Variants in DNAH17 observed in about 807,000 individuals in gnomAD.
DNAH17 encodes the protein dynein axonemal heavy chain 17.
DNAH17 carries 376 observed loss-of-function variants against 485.6 expected under a neutral mutation model. That is an observed-to-expected ratio of 0.77 (90% confidence interval 0.71 to 0.84). The LOEUF is 0.84. DNAH17 is among the 40% of genes least tolerant of loss of function. DNAH17 has a pLI of 0.00. For synonymous variants in DNAH17, 3,031 were observed against 2,405.9 expected (o/e 1.26, Z -7.60); for missense variants, 6,370 against 5,839.3 (o/e 1.09, Z -2.96).
At chr17:78,553,283 G>GTGTTTTTTTTTTT (rs2091945217) in intron 14 of DNAH17, among the ~76,000 whole-genome samples, 1 of 51,018 alleles carries the variant, frequency 2.0e-5, no homozygotes, top group African/African-American at 9.0e-5. Context: ...AGGTTTTTGT[G>GTGTTTTTTTTTTT]TTTTTTTTTT....
chr17:78,521,217 C>A lies in DNAH17; in HGVS notation c.3864+3792G>T, dbSNP rs147813940. On this transcript the variant is annotated intron_variant, in intron 25 of 80. Transcript: ENST00000389840. ...GGTCATGAGTTCAAGACCAGCCTGG[C>A]CAACATGGCGAAACCCCATCTCTAC... Among the ~76,000 whole-genome samples the A allele has an allele frequency of 9.7e-3, 1,470 of 152,096 alleles. 28 individuals are homozygous for A. The highest frequency in any genetic ancestry group is 0.034 in the African/African-American group (1,396 of 41,492).
At chr17:78,543,163 G>A (rs1033074645) in intron 17 of DNAH17, among the ~76,000 whole-genome samples, 4 of 152,358 alleles carry the variant, frequency 2.6e-5, no homozygotes, top group African/African-American at 9.6e-5. Flanking sequence ...CACCCAGGCT[G>A]GGGTGCAGTG....
At position 78,476,628 on chromosome 17, in the gene DNAH17, T is replaced by C; in HGVS notation, c.8098A>G (p.Lys2700Glu). The C allele has an allele frequency of 1.2e-6, 2 of 1,612,134 alleles. No individual in the cohort carries two copies. The highest frequency in any genetic ancestry group is 8.5e-7 in the Non-Finnish European group (1 of 1,179,118). The change falls in exon 52 of 81, where the codon AAA becomes GAA. Residue 2700 changes from lysine to glutamate, a missense_variant. Lys to Glu is a moderately conservative substitution (Grantham distance 56, BLOSUM62 1). Coordinates refer to ENST00000389840, the MANE Select transcript of DNAH17 (RefSeq NM_173628.4). ...RVYGDKMVDE[K>E]DQETLHRVTM... is the part of the protein sequence containing the mutation. ...ACTCTATGCAATGTTTCCTGGTCTTTTTCGTCAACCATTTTGTCACCATAC... is the reference window on the plus strand; with the variant it reads ...ACTCTATGCAATGTTTCCTGGTCTTCTTCGTCAACCATTTTGTCACCATAC...
chr17:78,514,770 G>A lies in DNAH17; in HGVS notation c.4113+4C>T, dbSNP rs1448999740. The A allele has an allele frequency of 1.9e-6, 3 of 1,613,446 alleles. No individual in the cohort carries two copies. The highest frequency in any genetic ancestry group is 2.5e-6 in the Non-Finnish European group (3 of 1,179,746). On this transcript the variant is annotated splice_donor_region_variant and intron_variant, in intron 26 of 80. Transcript: ENST00000389840. ...TCCCCTCCGCCCACCATGGTGCATGGTACCTGGGTGGCCTGCATGAGCTGC... is the reference window on the plus strand; with the variant it reads ...TCCCCTCCGCCCACCATGGTGCATGATACCTGGGTGGCCTGCATGAGCTGC...
intron 11 of DNAH17, 62 bp downstream of exon 11, chr17:78,566,552 A>G (rs1311061380): frequency 5.9e-5 from 73 of 1,227,086 alleles, no homozygotes; most frequent in Middle Eastern, 1.9e-4. Flanking sequence ...ATCGTTCTCG[A>G]CATGAATCCA....
chr17:78,439,144 C>T lies in DNAH17; in HGVS notation c.11751G>A (p.Val3917=), dbSNP rs753730934. Residue 3917 remains valine (V), a synonymous_variant, in exon 73 of 81, where the codon GTG becomes GTA. Coordinates refer to ENST00000389840, the MANE Select transcript of DNAH17 (RefSeq NM_173628.4). ...NVSLGQGQEV[V]AENALDVAAE... The stretch of plus-strand genomic sequence containing the variant: ...CAGCCACGTCCAGGGCGTTCTCAGC[C>T]ACCACCTCTTGTCCCTGCCCCAGGG... 2 of 1,613,590 alleles carry T rather than the reference C, an allele frequency of 1.2e-6. No individual in the cohort carries two copies. The highest frequency in any genetic ancestry group is 1.7e-6 in the Non-Finnish European group (2 of 1,179,856).
At position 78,453,197 on chromosome 17, in the gene DNAH17, T is replaced by C. The variant is rs904235025; in HGVS notation, c.10529+146A>G. On this transcript the variant is annotated intron_variant, in intron 65 of 80. Coordinates refer to ENST00000389840, the MANE Select transcript of DNAH17 (RefSeq NM_173628.4). ...CTTTCCTCAGGAGCTGGGGGTTCCT[T>C]CCCACCAGCAGGCACTTTGTCAAAG... 29 of 1,080,832 alleles carry C rather than the reference T, an allele frequency of 2.7e-5. No individual in the cohort carries two copies. The East Asian group carries it at 7.3e-4, about 27-fold the overall frequency. 67.0% of individuals were successfully genotyped at this position (1,080,832 alleles called of 1,614,324 possible).
Position 78,495,914 on chromosome 17 carries a change from C to A in DNAH17, c.5864G>T (p.Gly1955Val). Residue 1955 changes from glycine (G) to valine (V), a missense_variant, in exon 38 of 81, where the codon GGA becomes GTA. Transcript: ENST00000389840. The stretch of plus-strand genomic sequence containing the variant: ...TAGGTTCTCAGGCAGCTCCGCGCGT[C>A]CGGCGTACCCAGGGTTCATGGTGAT... ...IFITMNPGYA[G>V]RAELPENLKA... 6.2e-7 allele frequency: 1 copy of A among 1,613,904 alleles called. No homozygotes were observed. The highest frequency in any genetic ancestry group is 8.5e-7 in the Non-Finnish European group (1 of 1,179,828).
At chr17:78,496,493 G>C (rs956027872) in intron 37 of DNAH17, among the ~76,000 whole-genome samples, 8 of 151,788 alleles carry the variant, frequency 5.3e-5, no homozygotes, top group African/African-American at 1.9e-4. Context: ...GCGACACTGA[G>C]GCCAGCATTG....
At chr17:78,532,188 C>A (rs555658295) in intron 20 of DNAH17, among the ~76,000 whole-genome samples, 1 of 152,320 alleles carries the variant, frequency 6.6e-6, no homozygotes, top group East Asian at 1.9e-4. Flanking sequence ...CCATTCCTTC[C>A]CTGGAAGCCA....
intron 69 of DNAH17, among the ~76,000 whole-genome samples, chr17:78,446,418 G>C (rs952075881): frequency 1.3e-5 from 2 of 151,920 alleles, no homozygotes. Flanking sequence ...GGAAGCACAC[G>C]ACATGCCCCG....
At chr17:78,425,959 C>T (rs914190570) in intron 79 of DNAH17, among the ~76,000 whole-genome samples, 27 of 152,112 alleles carry the variant, frequency 1.8e-4, no homozygotes, top group Non-Finnish European at 3.8e-4. Flanking sequence ...GATGGGGTTT[C>T]GCCATGTTGG....
rs4969148 is a variant in DNAH17, at chr17:78,571,801, G to C, written c.540-19C>G. The C allele has an allele frequency of 0.35, 542,590 of 1,554,768 alleles. 97,874 individuals carry two copies. The highest frequency in any genetic ancestry group is 0.51 in the Admixed American group (27,104 of 53,398). The stretch of plus-strand genomic sequence containing the variant: ...GGGGATCCTGCCCAGTGGAAGGTTG[G>C]GGCATTGCTCTCATGGCGACACACA... On this transcript the variant is annotated intron_variant, in intron 3 of 80. Coordinates refer to ENST00000389840, the MANE Select transcript of DNAH17 (RefSeq NM_173628.4).
intron 55 of DNAH17, among the ~76,000 whole-genome samples, chr17:78,467,851 C>T (rs577278266): frequency 2.0e-5 from 3 of 152,070 alleles, no homozygotes; most frequent in African/African-American, 7.2e-5. Flanking sequence ...AATGCTGTCT[C>T]TACTAAAAAT....
intron 24 of DNAH17, among the ~76,000 whole-genome samples, chr17:78,525,790 G>T (rs142687279): frequency 2.8e-4 from 42 of 152,358 alleles, no homozygotes; most frequent in African/African-American, 9.6e-4. Flanking sequence ...AATCCAGCCC[G>T]GGGCCCTAGG....
Position 78,506,953 on chromosome 17 carries a change from C to A in DNAH17, c.4677-107G>T, listed in dbSNP as rs1410113199. ...ACTGATCATCCTGGAGATGCCTGGA[C>A]TGCTGTTCACAGGCCTGGTTTAATT... On this transcript the variant is annotated intron_variant, in intron 29 of 80. Transcript: ENST00000389840. 22 of 1,459,556 alleles carry A rather than the reference C, an allele frequency of 1.5e-5. No homozygotes were observed. In the South Asian group the frequency reaches 1.9e-4, roughly 12 times the overall value. The allele number at this position is 1,459,556 out of a possible 1,614,324, so 90.4% of individuals were successfully genotyped here. A position where few individuals can be genotyped will look rare whatever the true frequency, so the allele number is the denominator to read the frequency against.
At chr17:78,474,967 T>C (rs78171917) in intron 54 of DNAH17, among the ~76,000 whole-genome samples, 2 of 128,432 alleles carry the variant, frequency 1.6e-5, no homozygotes, top group Non-Finnish European at 3.1e-5. Context: ...CTCAGTCACA[T>C]GGGCTGGAAG....
intron 16 of DNAH17, among the ~76,000 whole-genome samples, chr17:78,549,497 C>T (rs2091851499): frequency 6.6e-6 from 1 of 152,216 alleles, no homozygotes. Context: ...ACCCAACAAC[C>T]TCAGAATTGG....
Position 78,466,797 on chromosome 17 carries a change from G to T in DNAH17, c.8798C>A (p.Pro2933His). The T allele has an allele frequency of 6.3e-7, 1 of 1,596,410 alleles. No individual in the cohort carries two copies. ...TCGTACCCGCAGCACGGAGCCCACAGGGGAGAAACACAGGATCACCTGGGT... is the reference window on the plus strand; with the variant it reads ...TCGTACCCGCAGCACGGAGCCCACATGGGAGAAACACAGGATCACCTGGGT... ...RQLKVILCFS[P>H]VGSVLRVRAR... is the part of the protein sequence containing the mutation. The change falls in exon 56 of 81, where the codon CCT becomes CAT. Residue 2933 changes from proline to histidine, a missense_variant. Pro to His is a moderately conservative substitution (Grantham distance 77). Coordinates refer to ENST00000389840, the MANE Select transcript of DNAH17 (RefSeq NM_173628.4).
Sources: gnomAD v4.1 joint callset for allele counts (sites outside exome capture counted in the v4.1 genomes callset) on GRCh38, gnomAD v4.1.1 for gene constraint, MANE v1.5 for transcripts, NCBI Gene and HGNC (gene_info 2026-07-23, HGNC 2026-07-21) for gene names.